The following NELL1 variants were observed in gnomAD, a reference collection of about 807,000 sequenced individuals.
The protein encoded by NELL1 is neural EGFL like 1, also known as protein kinase C-binding protein NELL1.
A neutral mutation model predicts 107.4 loss-of-function variants in NELL1; 76 were observed. That is an observed-to-expected ratio of 0.71 (90% CI 0.59 to 0.86). The LOEUF is 0.86. Ranked by LOEUF, NELL1 falls within the 40% of genes least tolerant of loss-of-function variation. NELL1 has a pLI of 0.00. For missense variants in NELL1, 1,024 were observed against 1,005.5 expected (o/e 1.02, Z -0.25); for synonymous variants, 353 against 341.2 (o/e 1.03, Z -0.38).
chr11:20,684,427 G>A (rs1854259552), intron 2 of NELL1, among the ~76,000 whole-genome samples: 1 of 151,574 alleles, frequency 6.6e-6, no homozygotes, highest in African/African-American at 2.4e-5. Context: ...CTCATATATT[G>A]TAGCTTTAAC....
intron 15 of NELL1, among the ~76,000 whole-genome samples, chr11:21,532,004 A>C (rs1856002348): frequency 6.6e-6 from 1 of 152,220 alleles, no homozygotes; most frequent in Non-Finnish European, 1.5e-5. Flanking sequence ...TCTCAAGTAC[A>C]ATATGGTACA....
chr11:21,209,933 G>C (rs1857465140), intron 13 of NELL1, among the ~76,000 whole-genome samples: 1 of 152,114 alleles, frequency 6.6e-6, no homozygotes, highest in Admixed American at 6.6e-5. Context: ...TTTACATTCT[G>C]CTTCTATACA....
chr11:21,125,029 G>C (rs1033291873), intron 13 of NELL1, among the ~76,000 whole-genome samples: 1 of 152,056 alleles, frequency 6.6e-6, no homozygotes, highest in Non-Finnish European at 1.5e-5. Flanking sequence ...TCACCCTAGG[G>C]GTTAAGATTT....
chr11:20,716,093 T>A (rs1855243884), intron 2 of NELL1, among the ~76,000 whole-genome samples: 1 of 152,250 alleles, frequency 6.6e-6, no homozygotes, highest in Non-Finnish European at 1.5e-5. Flanking sequence ...GCAGCCAATG[T>A]ATGAAATAAA....
chr11:20,959,376 A>C (rs1851243231), intron 11 of NELL1, among the ~76,000 whole-genome samples: 1 of 152,252 alleles, frequency 6.6e-6, no homozygotes, highest in Admixed American at 6.5e-5. Context: ...TTGCACGTGC[A>C]TGTTGATAGC....
At chr11:21,434,731 TAAAG>T (rs1853062886) in intron 15 of NELL1, among the ~76,000 whole-genome samples, 1 of 152,152 alleles carries the variant, frequency 6.6e-6, no homozygotes, top group South Asian at 2.1e-4. Flanking sequence ...TCTGCTTTCA[TAAAG>T]AATGTTATTG....
chr11:21,464,739 A>T (rs1323615323), intron 15 of NELL1, among the ~76,000 whole-genome samples: 2 of 152,056 alleles, frequency 1.3e-5, no homozygotes, highest in Admixed American at 1.3e-4. Flanking sequence ...TTTCACCATG[A>T]CCTAAGTTCT....
At chr11:21,526,589 C>G (rs1591007049) in intron 15 of NELL1, among the ~76,000 whole-genome samples, 1 of 152,332 alleles carries the variant, frequency 6.6e-6, no homozygotes, top group East Asian at 1.9e-4. Flanking sequence ...TAGCAAATTT[C>G]TACCTGGACA....
At chr11:21,156,732 G>A (rs1856244929) in intron 13 of NELL1, among the ~76,000 whole-genome samples, 1 of 152,066 alleles carries the variant, frequency 6.6e-6, no homozygotes, top group Non-Finnish European at 1.5e-5. Flanking sequence ...GTCATTCATA[G>A]GGACATTGAA....
chr11:21,147,904 G>C (rs527481867), intron 13 of NELL1, among the ~76,000 whole-genome samples: 39 of 132,616 alleles, frequency 2.9e-4, no homozygotes, highest in Middle Eastern at 9.8e-3. Flanking sequence ...AGATATCTTA[G>C]AAAAGTAGTT....
At chr11:21,416,490 G>A (rs1402648023) in intron 15 of NELL1, among the ~76,000 whole-genome samples, 6 of 152,206 alleles carry the variant, frequency 3.9e-5, no homozygotes, top group South Asian at 2.1e-4. Context: ...ATGGGGAAAT[G>A]TTGGCCTTCG....
At chr11:21,400,181 A>C (rs1852067687) in intron 15 of NELL1, among the ~76,000 whole-genome samples, 1 of 151,790 alleles carries the variant, frequency 6.6e-6, no homozygotes, top group Admixed American at 6.6e-5. Context: ...TCAGAATTGA[A>C]GATGAATATT....
chr11:21,494,286 C>T (rs571940068), intron 15 of NELL1, among the ~76,000 whole-genome samples: 47 of 151,920 alleles, frequency 3.1e-4, no homozygotes, highest in African/African-American at 9.4e-4. Context: ...GCACTTGTAA[C>T]GCATAAACAC....
At chr11:21,147,836 C>CAAAAAAAAAAAA (rs35688285) in intron 13 of NELL1, among the ~76,000 whole-genome samples, 41 of 28,812 alleles carry the variant, frequency 1.4e-3, no homozygotes, top group South Asian at 3.1e-3. Context: ...AACTCCGTCT[C>CAAAAAAAAAAAA]AAAAAAAAAA....
intron 12 of NELL1, among the ~76,000 whole-genome samples, chr11:21,103,319 T>G (rs888843526): frequency 2.6e-5 from 4 of 152,142 alleles, no homozygotes; most frequent in African/African-American, 9.7e-5. Flanking sequence ...AATGAATAAT[T>G]TGACCAAGTA....
chr11:21,479,449 C>G (rs139843658), intron 15 of NELL1, among the ~76,000 whole-genome samples: 345 of 152,218 alleles, frequency 2.3e-3, no homozygotes, highest in African/African-American at 7.9e-3. Flanking sequence ...CAAAGGCAAA[C>G]TTCTCATATT....
At chr11:20,812,054 TATG>T (rs1857512239) in intron 3 of NELL1, among the ~76,000 whole-genome samples, 1 of 152,242 alleles carries the variant, frequency 6.6e-6, no homozygotes, top group Non-Finnish European at 1.5e-5. Context: ...CCTCATTGTG[TATG>T]ATATTAGCTG....
At chr11:20,684,387 G>A (rs1480544690) in intron 2 of NELL1, among the ~76,000 whole-genome samples, 1 of 151,904 alleles carries the variant, frequency 6.6e-6, no homozygotes, top group African/African-American at 2.4e-5. Context: ...TGTATTATCT[G>A]TCATTACTAT....
At chr11:21,557,866 C>G (rs1029188231) in intron 16 of NELL1, among the ~76,000 whole-genome samples, 1 of 151,784 alleles carries the variant, frequency 6.6e-6, no homozygotes, top group South Asian at 2.1e-4. Flanking sequence ...ATAAATACAT[C>G]GAATATCCAT....
Sources: gnomAD v4.1 joint callset for allele counts (sites outside exome capture counted in the v4.1 genomes callset) on GRCh38, gnomAD v4.1.1 for gene constraint, MANE v1.5 for transcripts, NCBI Gene and HGNC (gene_info 2026-07-23, HGNC 2026-07-21) for gene names.